Variants in LDB2 observed in about 807,000 individuals in gnomAD.
LDB2 encodes the protein LIM domain-binding protein 2.
In LDB2, 12 loss-of-function variants were observed where a neutral mutation model predicts 44.3. The ratio of observed to expected loss-of-function variants is 0.27; its 90% CI spans 0.17 to 0.44. The LOEUF (loss-of-function observed/expected upper bound fraction) is 0.44. LDB2 is among the 20% of genes least tolerant of loss of function. The pLI is 1.00. For synonymous variants in LDB2, 164 were observed against 174.8 expected (o/e 0.94, Z 0.49); for missense variants, 344 against 473.5 (o/e 0.73, Z 2.54).
intron 2 of LDB2, among the ~76,000 whole-genome samples, chr4:16,627,310 T>A (rs1165497062): frequency 6.6e-6 from 1 of 152,320 alleles, no homozygotes; most frequent in East Asian, 1.9e-4. Context: ...CCCATACTAC[T>A]GGGAGCAGTG....
At chr4:16,865,612 C>A (rs1032440013) in intron 1 of LDB2, among the ~76,000 whole-genome samples, 1 of 152,156 alleles carries the variant, frequency 6.6e-6, no homozygotes, top group Non-Finnish European at 1.5e-5. Flanking sequence ...AAAAGCATCT[C>A]CAACTCTCTT....
chr4:16,681,512 G>A (rs900703888), intron 2 of LDB2, among the ~76,000 whole-genome samples: 1 of 151,630 alleles, frequency 6.6e-6, no homozygotes, highest in African/African-American at 2.4e-5. Flanking sequence ...TAATACATAG[G>A]TGTTACATCA....
chr4:16,861,898 C>T (rs1207504301), intron 1 of LDB2, among the ~76,000 whole-genome samples: 1 of 152,166 alleles, frequency 6.6e-6, no homozygotes, highest in African/African-American at 2.4e-5. Context: ...GGGGATACTC[C>T]CTAGGTGCTC....
At chr4:16,739,310 G>A (rs192972086) in intron 2 of LDB2, among the ~76,000 whole-genome samples, 15 of 151,712 alleles carry the variant, frequency 9.9e-5, no homozygotes, top group Admixed American at 7.9e-4. Flanking sequence ...AAGTAGGCCA[G>A]GAATGGTGGC....
intron 2 of LDB2, among the ~76,000 whole-genome samples, chr4:16,684,557 G>T (rs1174032275): frequency 3.3e-5 from 5 of 152,146 alleles, no homozygotes; most frequent in African/African-American, 1.2e-4. Flanking sequence ...TTCTTGTTTT[G>T]TGGGAGAAAA....
At chr4:16,704,978 G>T (rs1387805548) in intron 2 of LDB2, among the ~76,000 whole-genome samples, 1 of 152,138 alleles carries the variant, frequency 6.6e-6, no homozygotes, top group Non-Finnish European at 1.5e-5. Context: ...TTTTTTTGAT[G>T]CATGAGGATC....
chr4:16,894,194 T>C (rs1040816708), intron 1 of LDB2, among the ~76,000 whole-genome samples: 8 of 152,188 alleles, frequency 5.3e-5, no homozygotes, highest in Non-Finnish European at 1.0e-4. Flanking sequence ...AATTGTGCGG[T>C]TGTATTCTTC....
At chr4:16,696,498 G>T (rs1465609682) in intron 2 of LDB2, among the ~76,000 whole-genome samples, 2 of 152,084 alleles carry the variant, frequency 1.3e-5, no homozygotes, top group Admixed American at 1.3e-4. Context: ...AAAATTAGTT[G>T]TCTCTCCACA....
intron 1 of LDB2, among the ~76,000 whole-genome samples, chr4:16,818,775 A>T (rs935466495): frequency 2.0e-5 from 3 of 152,150 alleles, no homozygotes; most frequent in Non-Finnish European, 4.4e-5. Flanking sequence ...CTTTGACTAA[A>T]CTGTAGTTTC....
At chr4:16,883,190 G>A (rs1174864106) in intron 1 of LDB2, among the ~76,000 whole-genome samples, 2 of 152,230 alleles carry the variant, frequency 1.3e-5, no homozygotes, top group Non-Finnish European at 2.9e-5. Flanking sequence ...AGCTGAAGGA[G>A]GCTCAGAAGA....
chr4:16,890,409 G>A (rs898813003), intron 1 of LDB2, among the ~76,000 whole-genome samples: 1 of 152,164 alleles, frequency 6.6e-6, no homozygotes, highest in African/African-American at 2.4e-5. Context: ...GAGGCTGGGG[G>A]CTCGCAATGT....
chr4:16,600,629 T>C (rs1012722777), intron 2 of LDB2, among the ~76,000 whole-genome samples: 5 of 152,194 alleles, frequency 3.3e-5, no homozygotes, highest in African/African-American at 1.2e-4. Context: ...ATTTAATTCA[T>C]AGCTAATTGA....
chr4:16,595,685 A>T lies in LDB2; in HGVS notation c.408+18T>A. The T allele has an allele frequency of 6.8e-6, 11 of 1,606,554 alleles. No homozygotes were observed. Among genetic ancestry groups the T allele is most frequent in the Non-Finnish European group, 9.4e-6 (11 of 1,176,430 alleles). On this transcript the variant is annotated intron_variant, in intron 3 of 7. Coordinates refer to ENST00000304523, the MANE Select transcript of LDB2 (RefSeq NM_001290.5). ...CAGAGTAGGAAAAGCCGGGCATGTGACAGAGCCTGTCCTGTACCTTGGTAA... is the reference window on the plus strand; with the variant it reads ...CAGAGTAGGAAAAGCCGGGCATGTGTCAGAGCCTGTCCTGTACCTTGGTAA...
chr4:16,857,179 G>A (rs1789519736), intron 1 of LDB2, among the ~76,000 whole-genome samples: 1 of 152,176 alleles, frequency 6.6e-6, no homozygotes, highest in South Asian at 2.1e-4. Flanking sequence ...GTGGCAGCAG[G>A]GGCAGGTCGA....
chr4:16,772,215 T>C (rs1331524014), intron 1 of LDB2, among the ~76,000 whole-genome samples: 1 of 152,234 alleles, frequency 6.6e-6, no homozygotes, highest in African/African-American at 2.4e-5. Context: ...AGAAGCCTAC[T>C]TGCTATCACA....
At chr4:16,739,655 T>TATAC (rs1762702194) in intron 2 of LDB2, among the ~76,000 whole-genome samples, 1 of 85,906 alleles carries the variant, frequency 1.2e-5, no homozygotes, top group Non-Finnish European at 2.3e-5. Flanking sequence ...CATATGTGTG[T>TATAC]ATATATGTAT....
chr4:16,502,989 C>G (rs971292876), intron 7 of LDB2, 116 bp from the exon 8 acceptor site: 2 of 1,602,124 alleles, frequency 1.2e-6, no homozygotes, highest in Non-Finnish European at 8.5e-7. Context: ...TACTGTACAA[C>G]GGGGTCAAGT....
intron 2 of LDB2, among the ~76,000 whole-genome samples, chr4:16,631,093 A>G (rs1319808128): frequency 6.6e-6 from 1 of 152,216 alleles, no homozygotes; most frequent in African/African-American, 2.4e-5. Flanking sequence ...CATGATAGAC[A>G]TCTACAGAAT....
intron 5 of LDB2, among the ~76,000 whole-genome samples, chr4:16,562,189 C>G (rs1277705233): frequency 6.6e-6 from 1 of 152,140 alleles, no homozygotes; most frequent in Admixed American, 6.5e-5. Flanking sequence ...ACACCAAAAG[C>G]AATGGCAACA....
Sources: gnomAD v4.1 joint callset for allele counts (sites outside exome capture counted in the v4.1 genomes callset) on GRCh38, gnomAD v4.1.1 for gene constraint, MANE v1.5 for transcripts, NCBI Gene and HGNC (gene_info 2026-07-23, HGNC 2026-07-21) for gene names.